XPO6: variants seen among roughly 807,000 people sequenced by gnomAD.
XPO6 encodes the protein exportin-6.
In XPO6, 3 loss-of-function variants were observed where a neutral mutation model predicts 130.0. The observed-to-expected ratio is 0.02, with a 90% CI of 0.01 to 0.06. The LOEUF is 0.06. XPO6 is among the 10% of genes least tolerant of loss of function. The probability of loss-of-function intolerance (pLI) is 1.00; values close to 1 mark genes in which losing one functional copy is unlikely to be tolerated. For synonymous variants in XPO6, 524 were observed against 548.9 expected, an observed-to-expected ratio of 0.95 and a Z score of 0.63; for missense variants, 970 against 1,393.0, an observed-to-expected ratio of 0.70 and a Z score of 4.83.
At chr16:28,203,548 T>C (rs28406006) in intron 1 of XPO6, among the ~76,000 whole-genome samples, 2,422 of 152,310 alleles carry the variant, frequency 0.016, 35 homozygotes, top group African/African-American at 0.047. Flanking sequence ...CCTACAGAGA[T>C]AGCCACATCC....
At chr16:28,153,751 T>G in intron 7 of XPO6, 4 of 985,418 alleles carry the variant, frequency 4.1e-6, no homozygotes, top group Non-Finnish European at 4.8e-6. Flanking sequence ...AGGCCTTAGC[T>G]GAAAATGAAA....
chr16:28,145,551 C>T (rs1596872501), intron 9 of XPO6, among the ~76,000 whole-genome samples: 1 of 152,178 alleles, frequency 6.6e-6, no homozygotes, highest in Non-Finnish European at 1.5e-5. Flanking sequence ...ATCTTCCTTA[C>T]ATTTTCCTAT....
intron 8 of XPO6, among the ~76,000 whole-genome samples, chr16:28,146,689 G>A (rs1567620762): frequency 6.6e-6 from 1 of 152,178 alleles, no homozygotes; most frequent in Non-Finnish European, 1.5e-5. Context: ...ACATTTGAAT[G>A]TAAGGAAAGT....
intron 9 of XPO6, among the ~76,000 whole-genome samples, chr16:28,144,149 C>G (rs561856463): frequency 6.6e-6 from 1 of 152,262 alleles, no homozygotes; most frequent in South Asian, 2.1e-4. Flanking sequence ...AACATAATTA[C>G]TTAAAGTTGG....
chr16:28,125,685 C>A lies in XPO6; in HGVS notation c.1766+4G>T. 6.2e-7 allele frequency: 1 copy of A among 1,612,876 alleles called. No homozygotes were observed. Among genetic ancestry groups the A allele is most frequent in the Middle Eastern group, 1.7e-4 (1 of 6,052 alleles). On this transcript the variant is annotated splice_donor_region_variant and intron_variant, in intron 13 of 23. Transcript: ENST00000304658. ...ACAGCTCCATAAGGTAACTGCCAGC[C>A]TACCTTTCCACGACTGTGAGGGCAT...
At chr16:28,170,530 C>A (rs1314514034) in intron 4 of XPO6, among the ~76,000 whole-genome samples, 1 of 152,076 alleles carries the variant, frequency 6.6e-6, no homozygotes, top group Non-Finnish European at 1.5e-5. Flanking sequence ...GCCTTTGTTA[C>A]TTTGTCTAGT....
intron 6 of XPO6, among the ~76,000 whole-genome samples, chr16:28,157,332 G>A (rs954073483): frequency 2.6e-5 from 4 of 152,046 alleles, no homozygotes; most frequent in Non-Finnish European, 5.9e-5. Flanking sequence ...GTGCATGCCT[G>A]TAATCCCAGC....
Position 28,169,887 on chromosome 16 carries a change from G to T in XPO6, c.428C>A (p.Thr143Asn), listed in dbSNP as rs750046733. Residue 143 changes from threonine (T) to asparagine (N), a missense_variant, in exon 5 of 24, where the codon ACC (threonine) becomes AAC (asparagine). This residue lies in a region of XPO6 where 936 missense variants were observed against 1,306.8 expected (regional missense o/e 0.72). Coordinates refer to ENST00000304658, the MANE Select transcript of XPO6 (RefSeq NM_015171.4). Reference protein sequence around the residue: ...ILQLIQSPVTTPLGLIMLKTT... With the variant: ...ILQLIQSPVTNPLGLIMLKTT... The stretch of plus-strand genomic sequence containing the variant: ...CTTCAACATGATCAGCCCAAGGGGG[G>T]TTGTCACAGGGGACTGGATCAACTG... 2.5e-6 allele frequency: 4 copies of T among 1,614,134 alleles called. 1 individual carries two copies. In the South Asian group the frequency reaches 3.3e-5, roughly 13 times the overall value.
intron 1 of XPO6, among the ~76,000 whole-genome samples, chr16:28,187,007 C>A (rs1267805218): frequency 1.3e-5 from 2 of 152,168 alleles, no homozygotes; most frequent in East Asian, 3.8e-4. Flanking sequence ...GGTGGCCTAG[C>A]AGTTACATCC....
chr16:28,121,330 C>T (rs1052452006), intron 14 of XPO6, among the ~76,000 whole-genome samples: 1 of 152,196 alleles, frequency 6.6e-6, no homozygotes, highest in African/African-American at 2.4e-5. Flanking sequence ...TGAGGTGTTT[C>T]CCATTAGTCC....
At chr16:28,104,896 A>G (rs924984787) in intron 20 of XPO6, among the ~76,000 whole-genome samples, 189 bp from the exon 21 acceptor site, 2 of 152,230 alleles carry the variant, frequency 1.3e-5, no homozygotes, top group Non-Finnish European at 2.9e-5. Flanking sequence ...TGTGCAAAAG[A>G]CATCTAGCCC....
intron 6 of XPO6, among the ~76,000 whole-genome samples, chr16:28,164,983 G>T (rs2043333171): frequency 6.6e-6 from 1 of 152,214 alleles, no homozygotes; most frequent in South Asian, 2.1e-4. Flanking sequence ...CTGAAAGGCT[G>T]AGGCGGGTGG....
chr16:28,169,641 C>A (rs930390084), intron 5 of XPO6, 109 bp downstream of exon 5: 3 of 1,405,454 alleles, frequency 2.1e-6, no homozygotes, highest in African/African-American at 2.9e-5. Context: ...CATTTTCATG[C>A]TATCTCAGAA....
chr16:28,138,871 G>C (rs2042831415), intron 9 of XPO6, among the ~76,000 whole-genome samples: 1 of 152,146 alleles, frequency 6.6e-6, no homozygotes, highest in Non-Finnish European at 1.5e-5. Context: ...GAACAAATAA[G>C]TAAGAGGATT....
At chr16:28,169,660 A>T (rs1218710379) in intron 5 of XPO6, 90 bp downstream of exon 5, 2 of 1,523,538 alleles carry the variant, frequency 1.3e-6, no homozygotes, top group Non-Finnish European at 1.8e-6. Flanking sequence ...AAACAGCGCA[A>T]ACAACTGCTC....
chr16:28,166,834 G>A (rs1234975823), intron 5 of XPO6: 2 of 984,984 alleles, frequency 2.0e-6, no homozygotes, highest in Middle Eastern at 5.2e-4. Flanking sequence ...CTCTTTGCCA[G>A]AGTCACCTGG....
chr16:28,112,790 T>C, intron 16 of XPO6, 114 bp downstream of exon 16: 5 of 1,353,036 alleles, frequency 3.7e-6, no homozygotes, highest in South Asian at 2.9e-5. Flanking sequence ...CTGTCTATGC[T>C]GGTACAGCCT....
At chr16:28,141,670 A>C (rs917396583) in intron 9 of XPO6, among the ~76,000 whole-genome samples, 2 of 152,198 alleles carry the variant, frequency 1.3e-5, no homozygotes, top group East Asian at 3.8e-4. Context: ...TCAAGTCCCC[A>C]CAGTCTCTCA....
intron 12 of XPO6, among the ~76,000 whole-genome samples, chr16:28,130,377 T>G (rs1342897968): frequency 6.6e-6 from 1 of 152,168 alleles, no homozygotes; most frequent in Non-Finnish European, 1.5e-5. Flanking sequence ...CTATCAGGGA[T>G]GAGAGGGCAC....
Sources: allele counts gnomAD v4.1 joint callset (sites outside exome capture counted in the v4.1 genomes callset), GRCh38; gene constraint gnomAD v4.1.1; regional missense constraint gnomAD v4.1.1; transcripts MANE v1.5; gene names NCBI Gene and HGNC (gene_info 2026-07-23, HGNC 2026-07-21).